The following SMG5 variants were observed in gnomAD, a reference collection of about 807,000 sequenced individuals.
The protein encoded by SMG5 is nonsense-mediated mRNA decay factor SMG5.
SMG5 carries 53 observed loss-of-function variants against 122.9 expected under a neutral mutation model. The ratio of observed to expected loss-of-function variants is 0.43; its 90% CI spans 0.35 to 0.54. The LOEUF is 0.54. Among genes scored for constraint, SMG5 ranks in the 20% least tolerant of loss-of-function variants. The pLI is 0.01. For synonymous variants in SMG5, 477 were observed against 490.2 expected, an observed-to-expected ratio of 0.97 and a Z score of 0.35; for missense variants, 1,153 against 1,285.6, an observed-to-expected ratio of 0.90 and a Z score of 1.58.
chr1:156,252,544 A>G, intron 18 of SMG5, 40 bp from the exon 19 acceptor site: 6 of 1,589,290 alleles, frequency 3.8e-6, no homozygotes, highest in Non-Finnish European at 3.5e-6. Flanking sequence ...AGATAAGCTC[A>G]GACTGCTGTG....
Position 156,267,502 on chromosome 1 carries a change from C to T in SMG5, c.1085G>A (p.Cys362Tyr). The T allele has an allele frequency of 6.2e-7, 1 of 1,614,094 alleles. No individual in the cohort carries two copies. Among genetic ancestry groups the T allele is most frequent in the East Asian group, 2.2e-5 (1 of 44,886 alleles). The change falls in exon 10 of 22, where the codon TGC becomes TAC. Residue 362 changes from cysteine (C) to tyrosine (Y), a missense_variant. By Grantham distance (194) the Cys-to-Tyr change is radical. This residue lies in a region of SMG5 where 631 missense variants were observed against 650.6 expected (regional missense o/e 0.97). Coordinates refer to ENST00000361813, the MANE Select transcript of SMG5 (RefSeq NM_015327.3). ...CTCCAAGCTGTGCACACACATAAGG[C>T]AGATGATGACCATTTGAAAGATGAG... ...DLLIFQMVII[C>Y]LMCVHSLERA...
the SMG5 span, among the ~76,000 whole-genome samples, chr1:156,287,897 C>T: frequency 2.0e-5 from 3 of 151,928 alleles, no homozygotes; most frequent in East Asian, 1.9e-4. Context: ...GGATTACAGG[C>T]GTGAGCCACT....
chr1:156,289,298 C>T, the SMG5 span, among the ~76,000 whole-genome samples: 2 of 151,952 alleles, frequency 1.3e-5, no homozygotes, highest in African/African-American at 4.8e-5. Flanking sequence ...CACGGTAAAA[C>T]CCCATCTCTA....
chr1:156,278,726 C>T (rs1662800038), intron 2 of SMG5, among the ~76,000 whole-genome samples: 1 of 152,088 alleles, frequency 6.6e-6, no homozygotes, highest in South Asian at 2.1e-4. Context: ...GACTGTGCTA[C>T]TTTATGGCAC....
chr1:156,291,166 A>G, the SMG5 span: 4 of 562,794 alleles, frequency 7.1e-6, no homozygotes, highest in Admixed American at 1.2e-4. Context: ...AACATACTCA[A>G]CTTCATAAAG....
chr1:156,280,889 TA>T (rs1019116317), intron 1 of SMG5, among the ~76,000 whole-genome samples: 8 of 152,250 alleles, frequency 5.3e-5, no homozygotes, highest in African/African-American at 1.9e-4. Flanking sequence ...AAAATGTTTT[TA>T]AAAACAAATA....
upstream of SMG5, chr1:156,285,111 A>G: frequency 7.4e-7 from 1 of 1,343,068 alleles, no homozygotes; most frequent in Non-Finnish European, 9.9e-7. Flanking sequence ...CCTGGAGAGT[A>G]TGAGTTCTGT....
chr1:156,263,315 G>T, intron 13 of SMG5, 80 bp downstream of exon 13: 2 of 1,472,866 alleles, frequency 1.4e-6, no homozygotes, highest in Non-Finnish European at 1.8e-6. Context: ...CATCAGGGGG[G>T]ATCCTCAGGC....
Position 156,266,108 on chromosome 1 carries a change from C to T in SMG5, c.1528G>A (p.Ala510Thr), listed in dbSNP as rs746944254. The change falls in exon 12 of 22, where the codon GCT becomes ACT. Residue 510 changes from alanine to threonine, a missense_variant. By Grantham distance (58) the Ala-to-Thr change is moderately conservative (BLOSUM62 0). This residue lies in a region of SMG5 where 631 missense variants were observed against 650.6 expected (regional missense o/e 0.97). Coordinates refer to ENST00000361813, the MANE Select transcript of SMG5 (RefSeq NM_015327.3). ...SLEGGGTAFD[A>T]ETDSEMNSQE... ...CTATTCATTTCCGAGTCTGTTTCAG[C>T]ATCAAAGGCCGTTCCCCCACCTTCA... 1.2e-6 allele frequency: 2 copies of T among 1,614,228 alleles called. No individual in the cohort carries two copies. Among genetic ancestry groups the T allele is most frequent in the Non-Finnish European group, 1.7e-6 (2 of 1,180,032 alleles).
intron 4 of SMG5, among the ~76,000 whole-genome samples, chr1:156,276,393 C>T (rs997966805): frequency 2.6e-5 from 4 of 152,196 alleles, no homozygotes; most frequent in African/African-American, 7.2e-5. Context: ...TCTCAAAGTG[C>T]TGGGATTACA....
upstream of SMG5, chr1:156,282,873 C>T: frequency 1.7e-6 from 1 of 592,852 alleles, no homozygotes; most frequent in Non-Finnish European, 2.9e-6. Flanking sequence ...CGCACAGTTG[C>T]GGACCAGTGG....
rs950045639 is a variant in SMG5 at position 156,266,606 on chromosome 1, A to G, written c.1190T>C (p.Ile397Thr). Residue 397 changes from isoleucine to threonine, a missense_variant, in exon 11 of 22, where the codon ATA (isoleucine) becomes ACA (threonine). Coordinates refer to ENST00000361813, the MANE Select transcript of SMG5 (RefSeq NM_015327.3). ...LFSHLVNHVN[I>T]RLQAELEEGE... Reference sequence around the variant, plus strand: ...CTCTTCCAGCTCAGCCTGCAGCCGTATGTTGACATGATTGACGAGGTGGGA... The same window carrying G: ...CTCTTCCAGCTCAGCCTGCAGCCGTGTGTTGACATGATTGACGAGGTGGGA... 4 of 1,614,138 alleles carry G rather than the reference A, an allele frequency of 2.5e-6. No individual in the cohort carries two copies. The highest frequency in any genetic ancestry group is 3.4e-6 in the Non-Finnish European group (4 of 1,180,024).
At chr1:156,291,336 C>CT in the SMG5 span, 1 of 1,576,626 alleles carries the variant, frequency 6.3e-7, no homozygotes, top group Non-Finnish European at 8.7e-7. Flanking sequence ...TGCCAATCAG[C>CT]TGACGCGCTT....
At chr1:156,260,771 T>C in intron 14 of SMG5, 145 bp from the exon 15 acceptor site, 1 of 663,598 alleles carries the variant, frequency 1.5e-6, no homozygotes, top group Non-Finnish European at 2.3e-6. Context: ...ATGGAGGGAG[T>C]GAAGTAAAGA....
intron 1 of SMG5, among the ~76,000 whole-genome samples, chr1:156,282,384 G>A (rs1181457370): frequency 1.3e-5 from 2 of 152,012 alleles, no homozygotes; most frequent in Non-Finnish European, 2.9e-5. Flanking sequence ...CACTGCAGAG[G>A]GGATTCCTCC....
intron 17 of SMG5, 145 bp downstream of exon 17, chr1:156,253,304 T>A: frequency 1.1e-6 from 1 of 925,568 alleles, no homozygotes; most frequent in Non-Finnish European, 1.7e-6. Context: ...GAAGAGTGAG[T>A]AGTAAGGAGG....
chr1:156,278,689 T>G (rs1433880813), intron 2 of SMG5, among the ~76,000 whole-genome samples: 1 of 152,134 alleles, frequency 6.6e-6, no homozygotes, highest in Non-Finnish European at 1.5e-5. Flanking sequence ...CTTTTTATTT[T>G]ATTTTACTCT....
At position 156,275,131 on chromosome 1, in the gene SMG5, T is replaced by TAAA. The variant is rs760480249; in HGVS notation, c.455-448_455-446dup. Among the ~76,000 whole-genome samples the TAAA allele has an allele frequency of 1.2e-3, 106 of 86,866 alleles. 2 individuals carry two copies. Among genetic ancestry groups the TAAA allele is most frequent in the East Asian group, 4.0e-3 (12 of 3,030 alleles). 57.0% of individuals were successfully genotyped at this position (86,866 alleles called of 152,430 possible). A position where few individuals can be genotyped will look rare whatever the true frequency, so the allele number is the denominator to read the frequency against. On this transcript the variant is annotated intron_variant, in intron 4 of 21. Coordinates refer to ENST00000361813, the MANE Select transcript of SMG5 (RefSeq NM_015327.3). ...AGAATGAAATGTGAATGACGCCAAT[T>TAAA]AAAAAAAAAAAAAAAAAAAGCAAAA...
intron 15 of SMG5, 114 bp from the exon 16 acceptor site, chr1:156,259,277 G>A (rs1321564893): frequency 1.8e-6 from 2 of 1,090,816 alleles, no homozygotes; most frequent in Middle Eastern, 2.6e-4. Flanking sequence ...AGCCACCTCA[G>A]CCAACAAGGG....
Sources: allele counts gnomAD v4.1 joint callset (sites outside exome capture counted in the v4.1 genomes callset), GRCh38; gene constraint gnomAD v4.1.1; regional missense constraint gnomAD v4.1.1; transcripts MANE v1.5; gene names NCBI Gene and HGNC (gene_info 2026-07-23, HGNC 2026-07-21).